Variants in PI4K2B observed in about 807,000 individuals in gnomAD.
PI4K2B encodes phosphatidylinositol 4-kinase type 2-beta.
PI4K2B carries 46 observed loss-of-function variants against 56.6 expected under a neutral mutation model. The ratio of observed to expected loss-of-function variants is 0.81; its 90% CI spans 0.64 to 1.04. The LOEUF is 1.04. PI4K2B is among the 50% of genes least tolerant of loss of function. The pLI is 0.00. For synonymous variants in PI4K2B, 211 were observed against 223.8 expected (o/e 0.94, Z 0.51); for missense variants, 556 against 607.7 (o/e 0.91, Z 0.89).
Position 25,270,005 on chromosome 4 carries a change from C to T in PI4K2B, c.1272+802C>T, listed in dbSNP as rs573026760. Among the ~76,000 whole-genome samples, 10 of 152,218 alleles carry T rather than the reference C, an allele frequency of 6.6e-5. No homozygotes were observed. In the East Asian group the frequency reaches 7.8e-4, roughly 12 times the overall value. On this transcript the variant is annotated intron_variant, in intron 9 of 9. Coordinates refer to ENST00000264864, the MANE Select transcript of PI4K2B (RefSeq NM_018323.4). ...TGCTGGCATCACAGGCGTGAGCCAC[C>T]GCGCCCAGCCTAACTTAGGTATTTT...
At position 25,268,812 on chromosome 4, in the gene PI4K2B, A is replaced by G. The variant is rs538688973; in HGVS notation, c.1212+236A>G. Among the ~76,000 whole-genome samples the G allele has an allele frequency of 7.4e-4, 112 of 152,304 alleles. 1 individual carries two copies. Among genetic ancestry groups the G allele is most frequent in the Middle Eastern group, 3.4e-3 (1 of 292 alleles). ...TAAAACTTAATTTGCTGTTTTCTTC[A>G]AAAGTTGAATTTTTACAAGAAGACT... On this transcript the variant is annotated intron_variant, in intron 8 of 9. Coordinates refer to ENST00000264864, the MANE Select transcript of PI4K2B (RefSeq NM_018323.4).
rs190407598 is a variant in PI4K2B, at chr4:25,249,457, G to A, written c.269-2864G>A. Among the ~76,000 whole-genome samples the A allele has an allele frequency of 2.9e-3, 431 of 146,682 alleles. 2 individuals are homozygous for A. Among genetic ancestry groups the A allele is most frequent in the African/African-American group, 9.7e-3 (394 of 40,738 alleles). On this transcript the variant is annotated intron_variant, in intron 1 of 9. Transcript: ENST00000264864. ...GGCGGGGGCTGCCCCCCGCCTCCCGGATGGGGCGGCTGGCCGGGCGGGGGC... is the reference window on the plus strand; with the variant it reads ...GGCGGGGGCTGCCCCCCGCCTCCCGAATGGGGCGGCTGGCCGGGCGGGGGC...
intron 7 of PI4K2B, 98 bp from the exon 8 acceptor site, chr4:25,268,345 T>C (rs1262548353): frequency 3.1e-6 from 3 of 958,650 alleles, no homozygotes; most frequent in East Asian, 2.4e-5. Flanking sequence ...TGTCCTTTTT[T>C]GGGGAGAACC....
Position 25,260,525 on chromosome 4 carries a change from CA to C in PI4K2B, c.913del (p.Arg305GlyfsTer7), listed in dbSNP as rs765310311. On this transcript the variant is annotated frameshift_variant and splice_region_variant, in exon 6 of 10. Coordinates refer to ENST00000264864, the MANE Select transcript of PI4K2B (RefSeq NM_018323.4). LOFTEE classifies it high-confidence loss of function. The part of the protein sequence containing the change: ...ILDYIIRNTD[R>X]GNDNWLVRYE... ...AGATTTTCTTGTTTGTTTTGAAAGA[CA>C]GGGGCAATGATAATTGGTTAGTCAG... The C allele has an allele frequency of 7.1e-7, 1 of 1,406,446 alleles. No individual in the cohort carries two copies. The highest frequency in any genetic ancestry group is 9.5e-7 in the Non-Finnish European group (1 of 1,052,940). 87.1% of individuals were successfully genotyped at this position (1,406,446 alleles called of 1,614,324 possible).
chr4:25,238,344 G>C (rs955386114), intron 1 of PI4K2B, among the ~76,000 whole-genome samples: 3 of 152,198 alleles, frequency 2.0e-5, no homozygotes, highest in Admixed American at 6.5e-5. Context: ...AACAATATCT[G>C]TGATTAAAGT....
chr4:25,259,329 G>A, intron 5 of PI4K2B, 139 bp downstream of exon 5: 1 of 611,470 alleles, frequency 1.6e-6, no homozygotes, highest in South Asian at 2.1e-5. Context: ...AACAGATGTA[G>A]TATTGACTCT....
chr4:25,274,554 A>G (rs1210192844), intron 9 of PI4K2B, among the ~76,000 whole-genome samples: 1 of 152,152 alleles, frequency 6.6e-6, no homozygotes, highest in East Asian at 1.9e-4. Context: ...TTACTTGTTC[A>G]TGTGGCTGCT....
chr4:25,260,278 C>T (rs1026181981), intron 5 of PI4K2B, among the ~76,000 whole-genome samples: 6 of 151,674 alleles, frequency 4.0e-5, no homozygotes, highest in African/African-American at 1.5e-4. Flanking sequence ...TTGAGGATTA[C>T]ATGAATTATT....
intron 1 of PI4K2B, among the ~76,000 whole-genome samples, chr4:25,234,914 A>G (rs1358141045): frequency 1.3e-5 from 2 of 152,208 alleles, no homozygotes; most frequent in East Asian, 1.9e-4. Context: ...AAATGTTGTT[A>G]TTATGAAGTT....
At chr4:25,270,578 C>G (rs1716849517) in intron 9 of PI4K2B, among the ~76,000 whole-genome samples, 1 of 152,076 alleles carries the variant, frequency 6.6e-6, no homozygotes, top group South Asian at 2.1e-4. Flanking sequence ...GAACTCCTGA[C>G]CTTGTGATCC....
At chr4:25,234,491 G>T (rs1715157586) in intron 1 of PI4K2B, 60 bp downstream of exon 1, 11 of 1,161,076 alleles carry the variant, frequency 9.5e-6, no homozygotes, top group Non-Finnish European at 1.1e-5. Context: ...CTGTCGCCCG[G>T]CTCGGTCCTG....
rs546595268 is a variant in PI4K2B, at chr4:25,278,571, A to G, written c.*1384A>G. ...GTCTTCATGGACGAGATGAATGAGG[A>G]TTCTGCTGCCCTGAGGGAGTTCATT... On this transcript the variant is annotated 3_prime_UTR_variant, in exon 10 of 10. Coordinates refer to ENST00000264864, the MANE Select transcript of PI4K2B (RefSeq NM_018323.4). 15 of 152,714 alleles carry G rather than the reference A, an allele frequency of 9.8e-5. No homozygotes were observed. The South Asian group carries it at 1.7e-3, about 17-fold the overall frequency. The allele number at this position is 152,714 out of a possible 1,614,324, so 9.5% of individuals were successfully genotyped here.
chr4:25,269,628 A>G, intron 9 of PI4K2B, among the ~76,000 whole-genome samples: 1 of 149,828 alleles, frequency 6.7e-6, no homozygotes, highest in Non-Finnish European at 1.5e-5. Flanking sequence ...AACAAGAGCA[A>G]AACTCCATCT....
At chr4:25,262,766 T>C (rs1716525408) in intron 6 of PI4K2B, among the ~76,000 whole-genome samples, 1 of 152,188 alleles carries the variant, frequency 6.6e-6, no homozygotes, top group Admixed American at 6.5e-5. Context: ...AATAATTACC[T>C]CTAAAGATAG....
chr4:25,234,525 T>C lies in PI4K2B; in HGVS notation c.268+94T>C, dbSNP rs186047042. The C allele has an allele frequency of 5.7e-4, 514 of 898,442 alleles. 4 individuals are homozygous for C. In the African/African-American group the frequency reaches 8.0e-3, roughly 14 times the overall value. The allele number at this position is 898,442 out of a possible 1,614,324, so 55.7% of individuals were successfully genotyped here. A position where few individuals can be genotyped will look rare whatever the true frequency, so the allele number is the denominator to read the frequency against. ...TGTCTCCCGCGCGCGCTGGCCGAGG[T>C]GGACGGGCTTTCCCCGCTCGCTGGG... is the stretch of plus-strand genomic sequence containing the variant. On this transcript the variant is annotated intron_variant, in intron 1 of 9. Coordinates refer to ENST00000264864, the MANE Select transcript of PI4K2B (RefSeq NM_018323.4).
intron 6 of PI4K2B, among the ~76,000 whole-genome samples, chr4:25,262,266 A>G (rs1404696846): frequency 6.6e-6 from 1 of 152,216 alleles, no homozygotes; most frequent in East Asian, 1.9e-4. Flanking sequence ...GCTTGGGCAC[A>G]GGAAGTCAAT....
In PI4K2B at chr4:25,263,601, GT is replaced by G. The variant is rs548343642; in HGVS notation, c.979-148del. 3.7e-4 allele frequency: 160 copies of G among 436,780 alleles called. 1 individual carries two copies. Among genetic ancestry groups the G allele is most frequent in the African/African-American group, 3.0e-3 (146 of 49,086 alleles). The allele number at this position is 436,780 out of a possible 1,614,324, so 27.1% of individuals were successfully genotyped here. A position where few individuals can be genotyped will look rare whatever the true frequency, so the allele number is the denominator to read the frequency against. On this transcript the variant is annotated intron_variant, in intron 6 of 9. Transcript: ENST00000264864. Reference sequence around the variant, plus strand: ...TTCAGACAGTCTCTTCCATTCCTGTGTGAATTTGTACTTTTTCTGGTAACAT... The same window carrying G: ...TTCAGACAGTCTCTTCCATTCCTGTGGAATTTGTACTTTTTCTGGTAACAT...
intron 9 of PI4K2B, chr4:25,276,636 A>T (rs2109028390): frequency 1.0e-6 from 1 of 983,708 alleles, no homozygotes; most frequent in Admixed American, 6.1e-5. Flanking sequence ...TATTTAGTTA[A>T]AACCAGACTG....
intron 1 of PI4K2B, among the ~76,000 whole-genome samples, chr4:25,241,144 A>T (rs186889389): frequency 4.4e-4 from 67 of 152,344 alleles, no homozygotes; most frequent in African/African-American, 1.6e-3. Context: ...TTCTTTCCAC[A>T]TTGCAGCATG....
Sources: gnomAD v4.1 joint callset for allele counts (sites outside exome capture counted in the v4.1 genomes callset) on GRCh38, gnomAD v4.1.1 for gene constraint, MANE v1.5 for transcripts, NCBI Gene and HGNC (gene_info 2026-07-23, HGNC 2026-07-21) for gene names.